The following KIF5B variants were observed in gnomAD, a reference collection of about 807,000 sequenced individuals.
The protein encoded by KIF5B is kinesin-1 heavy chain.
In KIF5B, 49 loss-of-function variants were observed where a neutral mutation model predicts 132.8. That is an observed-to-expected ratio of 0.37 (90% confidence interval 0.29 to 0.47). KIF5B has a LOEUF of 0.47. KIF5B is among the 20% of genes least tolerant of loss of function. The probability of loss-of-function intolerance (pLI) is 1.00; values close to 1 mark genes in which losing one functional copy is unlikely to be tolerated. For missense variants in KIF5B, 780 were observed against 1,144.0 expected (o/e 0.68, Z 4.59); for synonymous variants, 355 against 369.4 (o/e 0.96, Z 0.45).
intron 10 of KIF5B, 42 bp from the exon 11 acceptor site, chr10:32,034,880 T>C: frequency 6.8e-7 from 1 of 1,465,156 alleles, no homozygotes; most frequent in Admixed American, 2.4e-5. Context: ...GAGACTGAAA[T>C]TATTTTTAAT....
intron 14 of KIF5B, 99 bp from the exon 15 acceptor site, chr10:32,028,670 A>G: frequency 1.0e-6 from 1 of 980,580 alleles, no homozygotes; most frequent in Non-Finnish European, 1.5e-6. Context: ...AGCCCTTACG[A>G]AACCATGTCT....
chr10:32,052,360 C>T (rs1158027097), intron 1 of KIF5B, among the ~76,000 whole-genome samples: 1 of 152,194 alleles, frequency 6.6e-6, no homozygotes, highest in Non-Finnish European at 1.5e-5. Context: ...AACACCAAAT[C>T]ATTCACTTGA....
intron 13 of KIF5B, 151 bp downstream of exon 13, chr10:32,032,555 A>C: frequency 1.5e-6 from 1 of 652,742 alleles, no homozygotes; most frequent in East Asian, 2.7e-5. Flanking sequence ...ACGATGAATA[A>C]GTAAAAATTC....
chr10:32,019,976 ATAAT>A lies in KIF5B; in HGVS notation c.2205-21_2205-18del, dbSNP rs924489044. 6 of 1,503,664 alleles carry A rather than the reference ATAAT, an allele frequency of 4.0e-6. No homozygotes were observed. Among genetic ancestry groups the A allele is most frequent in the African/African-American group, 1.4e-5 (1 of 71,712 alleles). The allele number at this position is 1,503,664 out of a possible 1,614,324, so 93.1% of individuals were successfully genotyped here. On this transcript the variant is annotated intron_variant, in intron 19 of 25. Coordinates refer to ENST00000302418, the MANE Select transcript of KIF5B (RefSeq NM_004521.3). Reference sequence around the variant, plus strand: ...TGGTTTTGGCTGACGAAAGAAAAAAATAATTAACACAGTATCAATATCACAGTTT... The same window carrying A: ...TGGTTTTGGCTGACGAAAGAAAAAAATAACACAGTATCAATATCACAGTTT...
intron 15 of KIF5B, among the ~76,000 whole-genome samples, chr10:32,023,322 T>C (rs1336541590): frequency 6.6e-6 from 1 of 152,156 alleles, no homozygotes; most frequent in Non-Finnish European, 1.5e-5. Context: ...ACAACCAAAC[T>C]AATAAATTCT....
At chr10:32,046,972 C>T (rs1411609651) in intron 2 of KIF5B, among the ~76,000 whole-genome samples, 2 of 152,170 alleles carry the variant, frequency 1.3e-5, no homozygotes, top group Non-Finnish European at 2.9e-5. Context: ...CACTGATCTA[C>T]AGTTCAGCAA....
intron 10 of KIF5B, 25 bp from the exon 11 acceptor site, chr10:32,034,863 A>C: frequency 6.5e-7 from 1 of 1,542,124 alleles, no homozygotes; most frequent in Non-Finnish European, 8.7e-7. Flanking sequence ...TGGAGGAAAA[A>C]AAGGATGAGA....
In KIF5B at chr10:32,021,132, C is replaced by G; in HGVS notation, c.2095-1G>C. On this transcript the variant is annotated splice_acceptor_variant, in intron 18 of 25. Coordinates refer to ENST00000302418, the MANE Select transcript of KIF5B (RefSeq NM_004521.3). LOFTEE classifies it high-confidence loss of function. ...TCTGGATCTGCTGTTCAACAGCTTG[C>G]TAAAATTTTGGGGGGGAAAAGGATG... 1 of 1,612,606 alleles carries G rather than the reference C, an allele frequency of 6.2e-7. No individual in the cohort carries two copies. Among genetic ancestry groups the G allele is most frequent in the Non-Finnish European group, 8.5e-7 (1 of 1,178,940 alleles).
chr10:32,040,594 G>A (rs2132607625), intron 2 of KIF5B, 137 bp from the exon 3 acceptor site: 1 of 576,900 alleles, frequency 1.7e-6, no homozygotes, highest in Admixed American at 2.9e-5. Context: ...AATATCAGAT[G>A]TTTATTCCTA....
rs746066933 is a variant in KIF5B at position 32,012,899 on chromosome 10, A to AT, written c.*21-1384dup. Among the ~76,000 whole-genome samples the AT allele has an allele frequency of 4.4e-3, 600 of 136,516 alleles. 4 individuals carry two copies. Among genetic ancestry groups the AT allele is most frequent in the African/African-American group, 8.4e-3 (311 of 36,992 alleles). 89.6% of individuals were successfully genotyped at this position (136,516 alleles called of 152,430 possible). ...GCTGGGTAACATCTTAACTCATGTA[A>AT]TTTTTTTTTTTTTTTTTTTGAGACG... is the stretch of plus-strand genomic sequence containing the variant. On this transcript the variant is annotated intron_variant, in intron 25 of 25. Coordinates refer to ENST00000302418, the MANE Select transcript of KIF5B (RefSeq NM_004521.3).
intron 15 of KIF5B, among the ~76,000 whole-genome samples, chr10:32,026,773 C>G (rs1357806423): frequency 6.6e-6 from 1 of 152,112 alleles, no homozygotes; most frequent in African/African-American, 2.4e-5. Flanking sequence ...TGAACAACAT[C>G]TCTCTGGTGT....
At chr10:32,042,280 A>C (rs915766767) in intron 2 of KIF5B, among the ~76,000 whole-genome samples, 1 of 152,220 alleles carries the variant, frequency 6.6e-6, no homozygotes, top group African/African-American at 2.4e-5. Flanking sequence ...AGAAAAAAAG[A>C]CATCATTACT....
intron 15 of KIF5B, among the ~76,000 whole-genome samples, chr10:32,024,355 C>G (rs1198533209): frequency 6.8e-6 from 1 of 146,260 alleles, no homozygotes; most frequent in African/African-American, 2.5e-5. Flanking sequence ...GGGGTTTCAC[C>G]GTTTTAGCCA....
At chr10:32,035,402 A>T in intron 10 of KIF5B, 120 bp downstream of exon 10, 1 of 789,332 alleles carries the variant, frequency 1.3e-6, no homozygotes, top group Non-Finnish European at 1.9e-6. Flanking sequence ...CATCAATTCA[A>T]ACTGAGTGTG....
chr10:32,031,248 T>C lies in KIF5B; in HGVS notation c.1406A>G (p.Asn469Ser), dbSNP rs1406920861. ...LLASTRRDQD[N>S]MQAELNRLQA... ...AAGGCGATTCAGCTCAGCTTGCATA[T>C]TGTCTTGATCCCTTCTGGTAGATGC... Residue 469 changes from asparagine to serine, a missense_variant, in exon 14 of 26, where the codon AAT (asparagine) becomes AGT (serine). Asn to Ser is a conservative substitution (Grantham distance 46). This residue lies in a region of KIF5B where 471 missense variants were observed against 569.9 expected (regional missense o/e 0.83). Coordinates refer to ENST00000302418, the MANE Select transcript of KIF5B (RefSeq NM_004521.3). The C allele has an allele frequency of 1.9e-6, 3 of 1,614,006 alleles. No homozygotes were observed. The highest frequency in any genetic ancestry group is 2.5e-6 in the Non-Finnish European group (3 of 1,179,970).
chr10:32,016,205 C>A (rs1039093429), intron 24 of KIF5B, among the ~76,000 whole-genome samples: 11 of 152,064 alleles, frequency 7.2e-5, no homozygotes, highest in Non-Finnish European at 1.6e-4. Context: ...GCCTGTAATC[C>A]CAGCACTTTG....
rs1303024720 is a variant in KIF5B at position 32,017,161 on chromosome 10, C to A, written c.2743G>T (p.Gly915Trp). Residue 915 changes from glycine to tryptophan, a missense_variant, in exon 24 of 26, where the codon GGG (glycine) becomes TGG (tryptophan). Gly to Trp is a radical substitution (Grantham distance 184, BLOSUM62 -2). Coordinates refer to ENST00000302418, the MANE Select transcript of KIF5B (RefSeq NM_004521.3). ...AVRSKNMARRGHSAQIAKPIR... is the reference protein window; with the variant it reads ...AVRSKNMARRWHSAQIAKPIR... The stretch of plus-strand genomic sequence containing the variant: ...TACTAACCAATCTGTGCAGAATGCC[C>A]TCTTCTGGCCATATTCTTTGACCTG... 1.9e-6 allele frequency: 3 copies of A among 1,613,894 alleles called. No homozygotes were observed. The Admixed American group carries it at 5.0e-5, about 27-fold the overall frequency.
rs527659586 is a variant in KIF5B at position 32,055,371 on chromosome 10, T to C, written c.126+477A>G. Among the ~76,000 whole-genome samples, 12 of 152,356 alleles carry C rather than the reference T, an allele frequency of 7.9e-5. No homozygotes were observed. The South Asian group carries it at 2.5e-3, about 32-fold the overall frequency. ...AACAATACGGTTCAAGGACTGGTTA[T>C]GTTTCCATAAAACTAAGCATCTTTA... On this transcript the variant is annotated intron_variant, in intron 1 of 25. Transcript: ENST00000302418.
chr10:32,018,849 A>ACAAT (rs1227698339), intron 20 of KIF5B, among the ~76,000 whole-genome samples: 2 of 151,960 alleles, frequency 1.3e-5, no homozygotes, highest in Non-Finnish European at 2.9e-5. Flanking sequence ...ACAGGCATGT[A>ACAAT]CAATCAGCCC....
Sources: allele counts gnomAD v4.1 joint callset (sites outside exome capture counted in the v4.1 genomes callset), GRCh38; gene constraint gnomAD v4.1.1; regional missense constraint gnomAD v4.1.1; transcripts MANE v1.5; gene names NCBI Gene and HGNC (gene_info 2026-07-23, HGNC 2026-07-21).